Variants in RHOU observed in about 807,000 individuals in gnomAD.
RHOU encodes ras homolog family member U.
In RHOU, 8 loss-of-function variants were observed where a neutral mutation model predicts 12.6. The observed-to-expected ratio is 0.64, with a 90% CI of 0.37 to 1.15. RHOU has a LOEUF of 1.15. Ranked by LOEUF, RHOU falls within the 50% of genes most tolerant of loss-of-function variation. RHOU has a pLI of 0.01. For synonymous variants in RHOU, 161 were observed against 147.4 expected (o/e 1.09, Z -0.67); for missense variants, 258 against 347.0 (o/e 0.74, Z 2.04).
chr1:228,735,785 G>T lies in RHOU; in HGVS notation c.43G>T (p.Glu15Ter). The T allele has an allele frequency of 8.2e-7, 1 of 1,215,064 alleles. No homozygotes were observed. The highest frequency in any genetic ancestry group is 1.0e-6 in the Non-Finnish European group (1 of 978,436). 75.3% of individuals were successfully genotyped at this position (1,215,064 alleles called of 1,614,324 possible). A position where few individuals can be genotyped will look rare whatever the true frequency, so the allele number is the denominator to read the frequency against. The change falls in exon 1 of 3, where the codon GAG becomes TAG. Residue 15 changes from glutamate to a stop codon, truncating the protein, a stop_gained. Coordinates refer to ENST00000366691, the MANE Select transcript of RHOU (RefSeq NM_021205.6). LOFTEE classifies it high-confidence loss of function. The surrounding 1 kb of genome is among the most constrained non-coding windows in gnomAD (Gnocchi z 8.1). Reference protein sequence around the residue: ...QGDPAFPDRCEAPPVPPRRER... With the variant: ...QGDPAFPDRC The stretch of plus-strand genomic sequence containing the variant: ...GGACCCCGCGTTCCCCGACCGCTGC[G>T]AGGCGCCTCCGGTGCCGCCGCGTCG...
At chr1:228,668,677 C>T in the RHOU span, among the ~76,000 whole-genome samples, 14 of 152,192 alleles carry the variant, frequency 9.2e-5, no homozygotes, top group Non-Finnish European at 1.8e-4. Context: ...ATAAAAAGAG[C>T]TTTGTCTTAG....
chr1:228,707,206 C>CATATATATATACATATGT, the RHOU span, among the ~76,000 whole-genome samples: 8 of 42,974 alleles, frequency 1.9e-4, no homozygotes, highest in African/African-American at 1.1e-3. Flanking sequence ...CATATATATA[C>CATATATATATACATATGT]ATATATATAT....
the RHOU span, among the ~76,000 whole-genome samples, chr1:228,707,125 T>C: frequency 7.1e-3 from 542 of 75,916 alleles, 8 homozygotes; most frequent in South Asian, 0.037. Context: ...TATATATATA[T>C]ACATATATAT....
the RHOU span, among the ~76,000 whole-genome samples, chr1:228,695,157 A>G: frequency 3.9e-5 from 6 of 151,986 alleles, no homozygotes; most frequent in Non-Finnish European, 7.4e-5. Context: ...TTTGGTAGAG[A>G]TGGGGTTTTG....
chr1:228,701,217 G>C, the RHOU span, among the ~76,000 whole-genome samples: 11 of 152,246 alleles, frequency 7.2e-5, no homozygotes, highest in East Asian at 2.1e-3. Flanking sequence ...ATTTGATTTT[G>C]GGAAGGCCGT....
chr1:228,705,920 C>T, the RHOU span, among the ~76,000 whole-genome samples: 2 of 152,192 alleles, frequency 1.3e-5, no homozygotes, highest in Admixed American at 1.3e-4. Flanking sequence ...TGGCACATGC[C>T]TGTAATGCCA....
chr1:228,667,563 C>G, the RHOU span, among the ~76,000 whole-genome samples: 3 of 152,216 alleles, frequency 2.0e-5, no homozygotes, highest in African/African-American at 7.2e-5. Flanking sequence ...CCTTGTTCTT[C>G]TAGTTTCTGA....
At chr1:228,650,768 C>A in the RHOU span, 1 of 434,758 alleles carries the variant, frequency 2.3e-6, no homozygotes, top group East Asian at 6.2e-5. Context: ...AGTTGAAATC[C>A]TTTCCTCCCT....
chr1:228,704,660 C>T, the RHOU span, among the ~76,000 whole-genome samples: 4 of 151,398 alleles, frequency 2.6e-5, no homozygotes, highest in African/African-American at 7.3e-5. Flanking sequence ...GGGGTGTCCC[C>T]ATATTGGCCA....
At chr1:228,682,075 G>A in the RHOU span, among the ~76,000 whole-genome samples, 13 of 152,182 alleles carry the variant, frequency 8.5e-5, no homozygotes, top group Admixed American at 6.5e-4. Flanking sequence ...GGTGACTGGC[G>A]CCAGAGTTTT....
the RHOU span, among the ~76,000 whole-genome samples, chr1:228,672,260 C>A: frequency 2.6e-4 from 39 of 152,178 alleles, no homozygotes; most frequent in African/African-American, 9.2e-4. Flanking sequence ...CTCTGCCTCC[C>A]GGGTTCAAGC....
intron 2 of RHOU, among the ~76,000 whole-genome samples, chr1:228,740,165 G>A (rs1424723150): frequency 2.0e-5 from 3 of 152,140 alleles, no homozygotes; most frequent in African/African-American, 7.2e-5. Flanking sequence ...AATCAGGGAA[G>A]CACAAGCATC....
chr1:228,690,993 C>T, the RHOU span, among the ~76,000 whole-genome samples: 1 of 151,978 alleles, frequency 6.6e-6, no homozygotes, highest in African/African-American at 2.4e-5. Context: ...ATTAATAGTG[C>T]CTTCAAATTA....
At chr1:228,694,125 T>G in the RHOU span, among the ~76,000 whole-genome samples, 10 of 152,222 alleles carry the variant, frequency 6.6e-5, no homozygotes, top group Non-Finnish European at 1.5e-5. Flanking sequence ...AATCAGCTAT[T>G]GTTACAGCTC....
the RHOU span, among the ~76,000 whole-genome samples, chr1:228,705,842 G>A: frequency 7.2e-5 from 11 of 152,036 alleles, no homozygotes; most frequent in Non-Finnish European, 1.2e-4. Context: ...TCAGGAGTTC[G>A]AGACCAGCCT....
the RHOU span, among the ~76,000 whole-genome samples, chr1:228,706,467 G>A: frequency 6.6e-6 from 1 of 152,160 alleles, no homozygotes; most frequent in East Asian, 1.9e-4. Context: ...TTACAGCTTG[G>A]CATCTGCCTT....
chr1:228,705,682 T>C, the RHOU span, among the ~76,000 whole-genome samples: 1 of 152,236 alleles, frequency 6.6e-6, no homozygotes, highest in East Asian at 1.9e-4. Context: ...AAGTTAATTA[T>C]TAGATCCAAT....
the RHOU span, among the ~76,000 whole-genome samples, chr1:228,710,793 G>A: frequency 6.6e-6 from 1 of 152,046 alleles, no homozygotes; most frequent in Non-Finnish European, 1.5e-5. Flanking sequence ...TCAACATAGT[G>A]TTGGAAGTTC....
intron 2 of RHOU, among the ~76,000 whole-genome samples, chr1:228,739,100 G>A (rs562219674): frequency 1.3e-5 from 2 of 152,156 alleles, no homozygotes; most frequent in African/African-American, 2.4e-5. Flanking sequence ...CAGCCTGGGC[G>A]ACAGAGCAAG....
Sources: gnomAD v4.1 joint callset for allele counts (sites outside exome capture counted in the v4.1 genomes callset) on GRCh38, gnomAD v4.1.1 for gene constraint, Gnocchi (gnomAD v3.1) non-coding constraint, MANE v1.5 for transcripts, NCBI Gene and HGNC (gene_info 2026-07-23, HGNC 2026-07-21) for gene names.